The following IKBKB-DT variants were observed in gnomAD, a reference collection of about 807,000 sequenced individuals.
IKBKB-DT encodes IKBKB divergent transcript.
intron 3 of IKBKB-DT, among the ~76,000 whole-genome samples, chr8:42,257,783 T>C (rs759564434): frequency 1.3e-5 from 2 of 152,014 alleles, no homozygotes; most frequent in Non-Finnish European, 2.9e-5. Flanking sequence ...AAAAAAATTT[T>C]CAAAGGACAA....
In IKBKB-DT at chr8:42,254,422, C is replaced by T. The variant is rs545806727; in HGVS notation, n.1529+8907G>A. 5.3e-4 allele frequency among the ~76,000 whole-genome samples: 81 copies of T among 151,740 alleles called. 1 individual carries two copies. The highest frequency in any genetic ancestry group is 1.5e-3 in the South Asian group (7 of 4,800). ...GTGAGGAGCGCCTCTGCCCAGCCAC[C>T]GCCCCGTCTGGGAAGTGAGGATCAC... On this transcript the variant is annotated intron_variant and non_coding_transcript_variant, in intron 3 of 3. Transcript: ENST00000518213.
At chr8:42,257,668 T>C (rs117893223) in intron 3 of IKBKB-DT, among the ~76,000 whole-genome samples, 3,029 of 152,096 alleles carry the variant, frequency 0.02, 103 homozygotes, top group South Asian at 0.14. Context: ...GCTCAGTGGC[T>C]CATGCCTATA....
At chr8:42,265,479 G>A (rs917930347) in intron 2 of IKBKB-DT, 2 of 152,288 alleles carry the variant, frequency 1.3e-5, no homozygotes, top group Non-Finnish European at 2.9e-5. Context: ...CAGGTAGGAG[G>A]GCCAGGCACC....
At chr8:42,243,530 G>A (rs1372551479) in intron 3 of IKBKB-DT, among the ~76,000 whole-genome samples, 1 of 152,172 alleles carries the variant, frequency 6.6e-6, no homozygotes, top group Non-Finnish European at 1.5e-5. Context: ...CTGAGTTTTG[G>A]TTAGGATTAA....
At chr8:42,240,741 C>A (rs749827988) in intron 3 of IKBKB-DT, among the ~76,000 whole-genome samples, 7 of 151,468 alleles carry the variant, frequency 4.6e-5, no homozygotes, top group Non-Finnish European at 7.4e-5. Context: ...CTTTGAGAGG[C>A]CGAGGTGGGT....
intron 3 of IKBKB-DT, among the ~76,000 whole-genome samples, chr8:42,251,483 G>C (rs73675033): frequency 6.6e-6 from 1 of 152,228 alleles, no homozygotes; most frequent in Admixed American, 6.5e-5. Context: ...CTGTGAGCTG[G>C]AACGTGCCTG....
At chr8:42,239,649 C>CT (rs1806975312) in intron 3 of IKBKB-DT, among the ~76,000 whole-genome samples, 1 of 13,170 alleles carries the variant, frequency 7.6e-5, no homozygotes, top group African/African-American at 2.2e-4. Context: ...TTTATTTATT[C>CT]ATTTTTTTTT....
rs547783495 is a variant in IKBKB-DT, at chr8:42,246,149, G to A, written n.1530-12290C>T. Among the ~76,000 whole-genome samples the A allele has an allele frequency of 2.7e-4, 41 of 152,232 alleles. 1 individual carries two copies. The South Asian group carries it at 7.5e-3, about 28-fold the overall frequency. On this transcript the variant is annotated intron_variant and non_coding_transcript_variant, in intron 3 of 3. Transcript: ENST00000518213. ...CCTCCCAGGCTCAGGCAATCCTCCCGCCTCAACCTCCTGAGCAGCTGGGAC... is the reference window on the plus strand; with the variant it reads ...CCTCCCAGGCTCAGGCAATCCTCCCACCTCAACCTCCTGAGCAGCTGGGAC...
intron 3 of IKBKB-DT, among the ~76,000 whole-genome samples, chr8:42,240,306 TG>T: frequency 6.6e-6 from 1 of 151,888 alleles, no homozygotes; most frequent in Non-Finnish European, 1.5e-5. Flanking sequence ...ATTCTAAGCC[TG>T]TCTCTTAAGT....
At chr8:42,257,787 A>G (rs981042645) in intron 3 of IKBKB-DT, among the ~76,000 whole-genome samples, 7 of 152,102 alleles carry the variant, frequency 4.6e-5, no homozygotes, top group East Asian at 1.9e-4. Context: ...AAATTTTCAA[A>G]GGACAATTTT....
intron 1 of IKBKB-DT, among the ~76,000 whole-genome samples, chr8:42,269,813 GTCCC>G (rs1807507600): frequency 6.6e-6 from 1 of 152,036 alleles, no homozygotes; most frequent in Non-Finnish European, 1.5e-5. Context: ...TACCTCATTT[GTCCC>G]TCACAACAAC....
intron 2 of IKBKB-DT, among the ~76,000 whole-genome samples, chr8:42,265,363 A>G (rs769890055): frequency 2.4e-4 from 37 of 152,280 alleles, no homozygotes; most frequent in Non-Finnish European, 2.4e-4. Context: ...AATAATCTGT[A>G]TGCCAAAGAG....
chr8:42,241,816 G>A (rs1348160656), intron 3 of IKBKB-DT, among the ~76,000 whole-genome samples: 1 of 152,224 alleles, frequency 6.6e-6, no homozygotes, highest in African/African-American at 2.4e-5. Context: ...AGAACACAAA[G>A]AGAATGGGTA....
chr8:42,271,168 C>G, exon 1 of IKBKB-DT: 1 of 594,116 alleles, frequency 1.7e-6, no homozygotes, highest in South Asian at 1.9e-5. Flanking sequence ...GTCTAGAGAC[C>G]ACACGCCACC....
chr8:42,238,547 C>T (rs1469824615), intron 3 of IKBKB-DT, among the ~76,000 whole-genome samples: 1 of 152,178 alleles, frequency 6.6e-6, no homozygotes, highest in East Asian at 1.9e-4. Context: ...AAATGATAAC[C>T]AGCCATGGTT....
chr8:42,263,808 G>A (rs1377688668), intron 2 of IKBKB-DT, among the ~76,000 whole-genome samples: 1 of 151,760 alleles, frequency 6.6e-6, no homozygotes, highest in Non-Finnish European at 1.5e-5. Flanking sequence ...AAATGGAGAC[G>A]CGTTTTTTTG....
chr8:42,265,153 G>A (rs1186372125), intron 2 of IKBKB-DT, among the ~76,000 whole-genome samples: 2 of 152,152 alleles, frequency 1.3e-5, no homozygotes, highest in Admixed American at 6.6e-5. Context: ...GTGAGCCATC[G>A]TGCCCAGCCC....
chr8:42,242,887 A>G (rs945928451), intron 3 of IKBKB-DT, among the ~76,000 whole-genome samples: 2 of 152,198 alleles, frequency 1.3e-5, no homozygotes. Context: ...AGGCCACTCA[A>G]CGAAGGCCCA....
At chr8:42,271,235 C>T in exon 1 of IKBKB-DT, 1 of 662,126 alleles carries the variant, frequency 1.5e-6, no homozygotes, top group Non-Finnish European at 2.8e-6. Context: ...GCACTCGCAG[C>T]ATCCGGACCT....
Sources: gnomAD v4.1 joint callset for allele counts (sites outside exome capture counted in the v4.1 genomes callset) on GRCh38, gnomAD v4.1.1 for gene constraint, MANE v1.5 for transcripts, NCBI Gene and HGNC (gene_info 2026-07-23, HGNC 2026-07-21) for gene names.